TANC2: variants seen among roughly 807,000 people sequenced by gnomAD.
TANC2 encodes the protein protein TANC2.
A neutral mutation model predicts 210.5 loss-of-function variants in TANC2; 26 were observed. That is an observed-to-expected ratio of 0.12 (90% CI 0.09 to 0.17). TANC2 has a LOEUF of 0.17. Among genes scored for constraint, TANC2 ranks in the 10% least tolerant of loss-of-function variants. The probability of loss-of-function intolerance (pLI) is 1.00; values close to 1 mark genes in which losing one functional copy is unlikely to be tolerated. For missense variants in TANC2, 2,129 were observed against 2,608.9 expected (o/e 0.82, Z 4.01); for synonymous variants, 931 against 967.1 (o/e 0.96, Z 0.69).
At chr17:63,023,664 T>C (rs2034438020) in intron 2 of TANC2, among the ~76,000 whole-genome samples, 1 of 152,232 alleles carries the variant, frequency 6.6e-6, no homozygotes, top group South Asian at 2.1e-4. Flanking sequence ...TTGAAGTAGA[T>C]AACCTGTTTT....
rs1158768609 is a variant in TANC2 at position 63,205,344 on chromosome 17, C to CAAAAAAAAAAAAAAAAAAAAAAAAAAA, written c.769+4389_769+4415dup. On this transcript the variant is annotated intron_variant, in intron 7 of 27. Transcript: ENST00000689528. ...ACTGCTCAAAATTTAACCAAGGAGG[C>CAAAAAAAAAAAAAAAAAAAAAAAAAAA]AAAAAAAAAAAAAAAAAAAAAAAAA... is the stretch of plus-strand genomic sequence containing the variant. Among the ~76,000 whole-genome samples, 4 of 8,070 alleles carry CAAAAAAAAAAAAAAAAAAAAAAAAAAA rather than the reference C, an allele frequency of 5.0e-4. 1 individual carries two copies. The highest frequency in any genetic ancestry group is 7.1e-4 in the Non-Finnish European group (3 of 4,206). The allele number at this position is 8,070 out of a possible 152,430, so 5.3% of individuals were successfully genotyped here. A position where few individuals can be genotyped will look rare whatever the true frequency, so the allele number is the denominator to read the frequency against.
At chr17:63,131,450 C>T (rs1056805261) in intron 4 of TANC2, among the ~76,000 whole-genome samples, 5 of 151,418 alleles carry the variant, frequency 3.3e-5, no homozygotes, top group African/African-American at 1.2e-4. Flanking sequence ...TCCCATTCCA[C>T]TCCCAGAAAA....
intron 3 of TANC2, among the ~76,000 whole-genome samples, chr17:63,098,354 A>G (rs1175183222): frequency 2.0e-5 from 3 of 151,338 alleles, no homozygotes; most frequent in East Asian, 3.9e-4. Flanking sequence ...TTTCTCCTAG[A>G]GTATAGTTCT....
intron 2 of TANC2, among the ~76,000 whole-genome samples, chr17:63,050,680 C>G (rs899164607): frequency 6.6e-6 from 1 of 152,010 alleles, no homozygotes; most frequent in Non-Finnish European, 1.5e-5. Flanking sequence ...GAGAAGACTT[C>G]AAGAAAGAAA....
chr17:63,262,096 A>G (rs533926173), intron 8 of TANC2, among the ~76,000 whole-genome samples: 2 of 152,242 alleles, frequency 1.3e-5, no homozygotes, highest in Non-Finnish European at 1.5e-5. Flanking sequence ...ATAAATTAGT[A>G]TAACACACAC....
At position 63,420,532 on chromosome 17, in the gene TANC2, G is replaced by A. The variant is rs2048993462; in HGVS notation, c.4802G>A (p.Ser1601Asn). ...CATCAGGGAGGATCTTACCGTTTCAGCCCCCCTCCTGTGGGAGGACAGGGC... is the reference window on the plus strand; with the variant it reads ...CATCAGGGAGGATCTTACCGTTTCAACCCCCCTCCTGTGGGAGGACAGGGC... The change falls in exon 28 of 28, where the codon AGC (serine) becomes AAC (asparagine). Residue 1601 changes from serine (S) to asparagine (N), a missense_variant. Coordinates refer to ENST00000689528, the Ensembl canonical transcript of TANC2. This position sits in a 1 kb window ranked among gnomAD's most constrained non-coding sequence, Gnocchi z 4.2. The A allele has an allele frequency of 1.9e-6, 3 of 1,613,868 alleles. No individual in the cohort carries two copies. The highest frequency in any genetic ancestry group is 2.5e-6 in the Non-Finnish European group (3 of 1,179,828).
At chr17:63,194,583 A>G (rs2041282951) in intron 6 of TANC2, among the ~76,000 whole-genome samples, 1 of 152,230 alleles carries the variant, frequency 6.6e-6, no homozygotes, top group Non-Finnish European at 1.5e-5. Flanking sequence ...GATTACTTGG[A>G]TCATTAGTTC....
At chr17:62,992,170 A>G (rs976822073) in intron 1 of TANC2, among the ~76,000 whole-genome samples, 1 of 152,190 alleles carries the variant, frequency 6.6e-6, no homozygotes, top group Non-Finnish European at 1.5e-5. Flanking sequence ...AGATTTTGGT[A>G]TCCATAGGGT....
intron 8 of TANC2, among the ~76,000 whole-genome samples, chr17:63,245,420 A>C (rs2042888344): frequency 6.6e-6 from 1 of 152,172 alleles, no homozygotes; most frequent in Non-Finnish European, 1.5e-5. Context: ...AAAATATATA[A>C]AATGTGGCAG....
intron 15 of TANC2, among the ~76,000 whole-genome samples, chr17:63,382,993 T>A (rs186423472): frequency 8.6e-4 from 131 of 152,352 alleles, no homozygotes; most frequent in African/African-American, 3.1e-3. Flanking sequence ...TCCTGAGCCT[T>A]ACTCCCAGAG....
intron 2 of TANC2, among the ~76,000 whole-genome samples, chr17:63,045,420 A>C (rs931516206): frequency 6.6e-6 from 1 of 152,222 alleles, no homozygotes; most frequent in Non-Finnish European, 1.5e-5. Context: ...TTAAAATTTC[A>C]ATTTATTCAA....
At chr17:63,406,052 C>G (rs2048495775) in intron 20 of TANC2, 102 bp from the exon 21 acceptor site, 22 of 1,458,874 alleles carry the variant, frequency 1.5e-5, no homozygotes, top group Admixed American at 4.0e-5. Flanking sequence ...ATGGGTGACT[C>G]GTACAGCAGT....
intron 3 of TANC2, among the ~76,000 whole-genome samples, chr17:63,079,425 T>A (rs2036688994): frequency 6.6e-6 from 1 of 152,100 alleles, no homozygotes; most frequent in Non-Finnish European, 1.5e-5. Context: ...AGTCTCAGAT[T>A]GCTGGTTCAT....
intron 2 of TANC2, among the ~76,000 whole-genome samples, chr17:63,020,271 T>C (rs2143990290): frequency 6.6e-6 from 1 of 152,336 alleles, no homozygotes; most frequent in East Asian, 1.9e-4. Context: ...AGCAAAAGTT[T>C]TTAATATTGA....
intron 5 of TANC2, among the ~76,000 whole-genome samples, chr17:63,161,739 T>C (rs1204591983): frequency 6.6e-6 from 1 of 152,190 alleles, no homozygotes; most frequent in Admixed American, 6.5e-5. Flanking sequence ...AGGACATGTA[T>C]ATATTGATGA....
intron 12 of TANC2, among the ~76,000 whole-genome samples, chr17:63,350,894 A>G (rs1411935878): frequency 6.9e-6 from 1 of 143,946 alleles, no homozygotes; most frequent in East Asian, 2.0e-4. Flanking sequence ...AAAAAAAAAA[A>G]CAGAACATGT....
rs1297843133 is a variant in TANC2, at chr17:63,421,240, G to C, written c.5510G>C (p.Arg1837Thr). 2.5e-6 allele frequency: 4 copies of C among 1,613,996 alleles called. No homozygotes were observed. Among genetic ancestry groups the C allele is most frequent in the South Asian group, 1.1e-5 (1 of 91,080 alleles). Residue 1837 changes from arginine to threonine, a missense_variant, in exon 28 of 28, where the codon AGA becomes ACA. Arg to Thr is a moderately conservative substitution (Grantham distance 71, BLOSUM62 -1). Transcript: ENST00000689528. The surrounding 1 kb of genome is among the most constrained non-coding windows in gnomAD (Gnocchi z 6.9). ...CCTGATGTGTCGCATTTAATCAGAA[G>C]ACCTATCAGTGTCAACCCTAACGAA...
At chr17:63,168,823 T>C (rs1286849079) in intron 5 of TANC2, among the ~76,000 whole-genome samples, 3 of 152,230 alleles carry the variant, frequency 2.0e-5, no homozygotes, top group African/African-American at 4.8e-5. Flanking sequence ...ACTCACTTAC[T>C]GTTAAAACAT....
chr17:63,349,271 T>C (rs2046518663), intron 12 of TANC2, among the ~76,000 whole-genome samples: 1 of 152,254 alleles, frequency 6.6e-6, no homozygotes, highest in Non-Finnish European at 1.5e-5. Flanking sequence ...AATGTAATTT[T>C]ATTAGCAAAT....
Sources: gnomAD v4.1 joint callset for allele counts (sites outside exome capture counted in the v4.1 genomes callset) on GRCh38, gnomAD v4.1.1 for gene constraint, Gnocchi (gnomAD v3.1) non-coding constraint, MANE v1.5 for transcripts, NCBI Gene and HGNC (gene_info 2026-07-23, HGNC 2026-07-21) for gene names.